The following C21orf58 variants were observed in gnomAD, a reference collection of about 807,000 sequenced individuals.
C21orf58 encodes uncharacterized protein C21orf58.
In C21orf58, 34 loss-of-function variants were observed where a neutral mutation model predicts 35.8. That is an observed-to-expected ratio of 0.95 (90% CI 0.72 to 1.26). The LOEUF (loss-of-function observed/expected upper bound fraction) is 1.26, where lower values mean the gene tolerates loss of function less well. Among genes scored for constraint, C21orf58 ranks in the 50% most tolerant of loss-of-function variants. The pLI, the probability that C21orf58 is intolerant of heterozygous loss-of-function variation, is 0.00. For missense variants in C21orf58, 440 were observed against 414.3 expected (o/e 1.06, Z -0.54); for synonymous variants, 191 against 175.8 (o/e 1.09, Z -0.68).
rs1261022217 is a variant in C21orf58 at position 46,303,706 on chromosome 21, A to T, written c.722-1130T>A. Among the ~76,000 whole-genome samples the T allele has an allele frequency of 1.2e-4, 3 of 25,744 alleles. No individual in the cohort carries two copies. In the East Asian group the frequency reaches 2.6e-3, roughly 22 times the overall value. The allele number at this position is 25,744 out of a possible 152,430, so 16.9% of individuals were successfully genotyped here. A position where few individuals can be genotyped will look rare whatever the true frequency, so the allele number is the denominator to read the frequency against. ...CACACACACACACACACACACACAC[A>T]AAATATATATATATATATATATATA... is the stretch of plus-strand genomic sequence containing the variant. On this transcript the variant is annotated intron_variant, in intron 6 of 7. Coordinates refer to ENST00000291691, the MANE Select transcript of C21orf58 (RefSeq NM_058180.5).
chr21:46,317,211 G>T lies in C21orf58; in HGVS notation c.367C>A (p.Pro123Thr). The T allele has an allele frequency of 6.2e-7, 1 of 1,610,402 alleles. No homozygotes were observed. Reference sequence around the variant, plus strand: ...CAAGCAGCCCAGGGGCTCTCACCTGGCTCGAGGTGGAGGCCCTCAGGTCCC... The same window carrying T: ...CAAGCAGCCCAGGGGCTCTCACCTGTCTCGAGGTGGAGGCCCTCAGGTCCC... ...EGGPEGLHLE[P>T]GNEDRPDDAL... The change falls in exon 3 of 8, where the codon CCA (proline) becomes ACA (threonine). Residue 123 changes from proline (P) to threonine (T), a missense_variant. Pro to Thr is a conservative substitution (Grantham distance 38). Coordinates refer to ENST00000291691, the MANE Select transcript of C21orf58 (RefSeq NM_058180.5).
At chr21:46,307,806 C>A (rs1312623396) in intron 6 of C21orf58, among the ~76,000 whole-genome samples, 1 of 152,162 alleles carries the variant, frequency 6.6e-6, no homozygotes, top group Non-Finnish European at 1.5e-5. Flanking sequence ...CCTAGACTAC[C>A]AATTCCATTA....
At position 46,314,899 on chromosome 21, in the gene C21orf58, G is replaced by A. The variant is rs1165647488; in HGVS notation, c.445-19C>T. ...GTTGTTCCTGCAAGGCCGATGCAGA[G>A]CTGCTGCACACGGGGACGGGGAGCC... is the stretch of plus-strand genomic sequence containing the variant. On this transcript the variant is annotated intron_variant, in intron 4 of 7. Coordinates refer to ENST00000291691, the MANE Select transcript of C21orf58 (RefSeq NM_058180.5). 2 of 1,550,348 alleles carry A rather than the reference G, an allele frequency of 1.3e-6. No individual in the cohort carries two copies. The highest frequency in any genetic ancestry group is 1.4e-5 in the African/African-American group (1 of 73,064).
At chr21:46,319,499 A>AG (rs2083085892) in intron 1 of C21orf58, among the ~76,000 whole-genome samples, 1 of 152,224 alleles carries the variant, frequency 6.6e-6, no homozygotes, top group Non-Finnish European at 1.5e-5. Flanking sequence ...GCGTTGGCTC[A>AG]CGCCTGTAAT....
At chr21:46,310,476 T>A (rs2082627685) in intron 6 of C21orf58, among the ~76,000 whole-genome samples, 1 of 144,718 alleles carries the variant, frequency 6.9e-6, no homozygotes. Context: ...CGAGACTGTC[T>A]CAGAACAAAA....
chr21:46,318,315 C>T (rs1267311215), intron 1 of C21orf58, 95 bp from the exon 2 acceptor site: 10 of 1,537,924 alleles, frequency 6.5e-6, no homozygotes, highest in Non-Finnish European at 8.7e-6. Flanking sequence ...TGACAGTTGC[C>T]AGGCTGCCAG....
Position 46,323,848 on chromosome 21 carries a change from G to C in C21orf58, c.-1110C>G, listed in dbSNP as rs920868945. 5.4e-6 allele frequency: 2 copies of C among 370,712 alleles called. No individual in the cohort carries two copies. Among genetic ancestry groups the C allele is most frequent in the East Asian group, 6.8e-5 (1 of 14,732 alleles). The allele number at this position is 370,712 out of a possible 1,614,324, so 23.0% of individuals were successfully genotyped here. On this transcript the variant is annotated 5_prime_UTR_variant, in exon 1 of 8. Coordinates refer to ENST00000291691, the MANE Select transcript of C21orf58 (RefSeq NM_058180.5). ...CACAAAGCCCAGGGGCCGCCCGCGC[G>C]GGACCAGCAGCGCGAACTTTTTGCC...
Sources: allele counts gnomAD v4.1 joint callset (sites outside exome capture counted in the v4.1 genomes callset), GRCh38; gene constraint gnomAD v4.1.1; transcripts MANE v1.5; gene names NCBI Gene and HGNC (gene_info 2026-07-23, HGNC 2026-07-21).